The following CSMD2 variants were observed in gnomAD, a reference collection of about 807,000 sequenced individuals.
CSMD2 encodes CUB and Sushi multiple domains 2.
In CSMD2, 130 loss-of-function variants were observed where a neutral mutation model predicts 398.5. The ratio of observed to expected loss-of-function variants is 0.33; its 90% confidence interval spans 0.28 to 0.38. The LOEUF is 0.38. Ranked by LOEUF, CSMD2 falls within the 10% of genes least tolerant of loss-of-function variation. The probability of loss-of-function intolerance (pLI) is 1.00; values close to 1 mark genes in which losing one functional copy is unlikely to be tolerated. For synonymous variants in CSMD2, 1,828 were observed against 1,908.5 expected, an observed-to-expected ratio of 0.96 and a Z score of 1.10; for missense variants, 3,829 against 4,764.9, an observed-to-expected ratio of 0.80 and a Z score of 5.78.
intron 2 of CSMD2, among the ~76,000 whole-genome samples, chr1:34,049,885 A>T (rs1476389593): frequency 2.6e-5 from 4 of 152,174 alleles, no homozygotes; most frequent in African/African-American, 9.7e-5. Flanking sequence ...TTAGGATTAG[A>T]TGAGGTCATA....
chr1:33,772,676 C>T lies in CSMD2; in HGVS notation c.1739G>A (p.Gly580Asp), dbSNP rs1393888058. Residue 580 changes from glycine (G) to aspartate (D), a missense_variant, in exon 13 of 71, where the codon GGT (glycine) becomes GAT (aspartate). By Grantham distance (94) the Gly-to-Asp change is moderately conservative (BLOSUM62 -1). This residue lies in a region of CSMD2 where 2,001 missense variants were observed against 2,567.1 expected (regional missense o/e 0.78). Transcript: ENST00000373381. The part of the protein sequence containing the change: ...GRREGSRFHH[G>D]DTLKFECQPA... ...CTGGCACTCAAACTTGAGTGTGTCA[C>T]CGTGGTGAAACCGGGAGCCTTCCCT... is the stretch of plus-strand genomic sequence containing the variant. 6.2e-7 allele frequency: 1 copy of T among 1,614,118 alleles called. No individual in the cohort carries two copies. The highest frequency in any genetic ancestry group is 1.7e-5 in the Admixed American group (1 of 60,032).
At chr1:33,673,469 C>A (rs1390056517) in intron 25 of CSMD2, among the ~76,000 whole-genome samples, 1 of 152,114 alleles carries the variant, frequency 6.6e-6, no homozygotes, top group African/African-American at 2.4e-5. Flanking sequence ...TGTGAAAAGA[C>A]CAAATCTACG....
At chr1:34,008,468 G>C (rs1417090081) in intron 3 of CSMD2, among the ~76,000 whole-genome samples, 4 of 152,150 alleles carry the variant, frequency 2.6e-5, no homozygotes, top group Non-Finnish European at 5.9e-5. Context: ...TCAATACAAA[G>C]AACTGCTAGG....
Position 33,635,372 on chromosome 1 carries a change from C to A in CSMD2, c.4970-42G>T. On this transcript the variant is annotated intron_variant, in intron 30 of 70. Transcript: ENST00000373381. This position sits in a 1 kb window ranked among gnomAD's most constrained non-coding sequence, Gnocchi z 5.0. ...ATAGAGAGTCAGGTGACCTTGTGGG[C>A]CTCTTACCAGTGACCATCCTCTGTT... is the stretch of plus-strand genomic sequence containing the variant. The A allele has an allele frequency of 8.1e-7, 1 of 1,241,792 alleles. No individual in the cohort carries two copies. The highest frequency in any genetic ancestry group is 1.2e-5 in the South Asian group (1 of 81,014). 76.9% of individuals were successfully genotyped at this position (1,241,792 alleles called of 1,614,324 possible).
chr1:33,583,099 A>G (rs1388966174), intron 47 of CSMD2, among the ~76,000 whole-genome samples: 1 of 152,232 alleles, frequency 6.6e-6, no homozygotes, highest in East Asian at 1.9e-4. Context: ...CATATTAATT[A>G]GACCTGATGA....
At chr1:34,055,508 C>A (rs1325660943) in intron 2 of CSMD2, among the ~76,000 whole-genome samples, 1 of 152,126 alleles carries the variant, frequency 6.6e-6, no homozygotes, top group African/African-American at 2.4e-5. Context: ...ATTCCCAGGA[C>A]CCCCTCCCCC....
rs373288768 is a variant in CSMD2 at position 33,572,918 on chromosome 1, T to C, written c.7577-227A>G. Among the ~76,000 whole-genome samples the C allele has an allele frequency of 9.9e-5, 15 of 152,258 alleles. No homozygotes were observed. In the East Asian group the frequency reaches 2.5e-3, roughly 25 times the overall value. ...TAAAGATAGAAGTGCAAAGAAGCTG[T>C]AGCTCAAAATATATGGGAGGGAGCC... is the stretch of plus-strand genomic sequence containing the variant. On this transcript the variant is annotated intron_variant, in intron 49 of 70. Coordinates refer to ENST00000373381, the MANE Select transcript of CSMD2 (RefSeq NM_001281956.2).
Position 33,848,609 on chromosome 1 carries a change from C to G in CSMD2, c.921-1613G>C, listed in dbSNP as rs531380444. Among the ~76,000 whole-genome samples the G allele has an allele frequency of 3.9e-5, 6 of 152,260 alleles. No homozygotes were observed. In the East Asian group the frequency reaches 1.2e-3, roughly 29 times the overall value. ...ATATGCATTAAACAAAAGAACTAACCAAGGAGCTTCACGCACTGCAAAACT... is the reference window on the plus strand; with the variant it reads ...ATATGCATTAAACAAAAGAACTAACGAAGGAGCTTCACGCACTGCAAAACT... On this transcript the variant is annotated intron_variant, in intron 5 of 70. Coordinates refer to ENST00000373381, the MANE Select transcript of CSMD2 (RefSeq NM_001281956.2).
intron 19 of CSMD2, among the ~76,000 whole-genome samples, chr1:33,722,189 G>A (rs1646380191): frequency 6.6e-6 from 1 of 152,168 alleles, no homozygotes. Context: ...TTGATGTAGA[G>A]TTTTACTTAT....
chr1:34,102,252 G>A (rs1558389688), intron 1 of CSMD2, among the ~76,000 whole-genome samples: 3 of 152,048 alleles, frequency 2.0e-5, no homozygotes, highest in African/African-American at 7.2e-5. Context: ...AGATGGTCTC[G>A]ATTTCCTGAC....
intron 5 of CSMD2, among the ~76,000 whole-genome samples, chr1:33,907,710 T>G (rs1405000840): frequency 6.6e-6 from 1 of 152,228 alleles, no homozygotes; most frequent in Non-Finnish European, 1.5e-5. Context: ...TTTCACCATA[T>G]GTGAAATGGT....
At position 33,743,518 on chromosome 1, in the gene CSMD2, G is replaced by A. The variant is rs567449116; in HGVS notation, c.1935C>T (p.Val645=). The change falls in exon 14 of 71, where the codon GTC becomes GTT. Residue 645 remains valine (V), a synonymous_variant. Coordinates refer to ENST00000373381, the MANE Select transcript of CSMD2 (RefSeq NM_001281956.2). The part of the protein sequence containing the change: ...PEDYGNHLHC[V]WLILARPESR... ...TCTCAGGCCTGGCCAGGATGAGCCA[G>A]ACACAGTGGAGGTGGTTGCCATAGT... The A allele has an allele frequency of 1.2e-5, 19 of 1,614,074 alleles. No individual in the cohort carries two copies. The African/African-American group carries it at 2.4e-4, about 20-fold the overall frequency.
intron 3 of CSMD2, among the ~76,000 whole-genome samples, chr1:33,939,703 C>T (rs1644602428): frequency 6.6e-6 from 1 of 152,188 alleles, no homozygotes; most frequent in Non-Finnish European, 1.5e-5. Context: ...CACAATCAGA[C>T]CACTCTGACC....
intron 47 of CSMD2, 95 bp downstream of exon 47, chr1:33,583,547 G>T (rs1557574869): frequency 1.6e-6 from 2 of 1,256,118 alleles, no homozygotes; most frequent in East Asian, 2.3e-5. Flanking sequence ...CTTCTGGCAA[G>T]CCCTGATAGG....
At chr1:33,598,242 T>G (rs931650130) in intron 44 of CSMD2, among the ~76,000 whole-genome samples, 2 of 152,174 alleles carry the variant, frequency 1.3e-5, no homozygotes, top group African/African-American at 4.8e-5. Context: ...TTACATACAT[T>G]TTTATATGTA....
At chr1:33,628,297 C>T (rs1378788374) in intron 32 of CSMD2, among the ~76,000 whole-genome samples, 1 of 151,124 alleles carries the variant, frequency 6.6e-6, no homozygotes, top group East Asian at 1.9e-4. Context: ...TGACAAGTGA[C>T]GTGAAAGATG....
intron 2 of CSMD2, among the ~76,000 whole-genome samples, chr1:34,036,929 T>C (rs1007928901): frequency 2.0e-5 from 3 of 152,180 alleles, no homozygotes; most frequent in African/African-American, 7.2e-5. Context: ...CTATGACACA[T>C]ACAGTACCCT....
intron 44 of CSMD2, chr1:33,592,397 C>G: frequency 1.4e-6 from 1 of 715,738 alleles, no homozygotes; most frequent in South Asian, 1.5e-5. Context: ...CTGCAGTCAG[C>G]TCAGGTGTCC....
chr1:33,742,857 G>C (rs926029621), intron 14 of CSMD2, among the ~76,000 whole-genome samples: 7 of 152,282 alleles, frequency 4.6e-5, no homozygotes, highest in African/African-American at 1.4e-4. Flanking sequence ...CGAACTCAGA[G>C]GTCAGCAGCA....
Sources: gnomAD v4.1 joint callset for allele counts (sites outside exome capture counted in the v4.1 genomes callset) on GRCh38, gnomAD v4.1.1 for gene constraint, gnomAD v4.1.1 regional missense constraint, Gnocchi (gnomAD v3.1) non-coding constraint, MANE v1.5 for transcripts, NCBI Gene and HGNC (gene_info 2026-07-23, HGNC 2026-07-21) for gene names.